The following TNKS1BP1 variants were observed in gnomAD, a reference collection of about 807,000 sequenced individuals.
TNKS1BP1 encodes the protein 182 kDa tankyrase-1-binding protein.
Under a neutral mutation model 141.1 loss-of-function variants are expected in TNKS1BP1, and 48 were observed. The observed-to-expected ratio is 0.34, with a 90% CI of 0.27 to 0.43. The LOEUF (loss-of-function observed/expected upper bound fraction) is 0.43. Ranked by LOEUF, TNKS1BP1 falls within the 20% of genes least tolerant of loss-of-function variation. The pLI is 1.00. For synonymous variants in TNKS1BP1, 875 were observed against 898.2 expected, an observed-to-expected ratio of 0.97 and a Z score of 0.46; for missense variants, 2,149 against 2,226.0, an observed-to-expected ratio of 0.97 and a Z score of 0.70.
At chr11:57,321,520 T>C (rs1271782868) in intron 2 of TNKS1BP1, among the ~76,000 whole-genome samples, 2 of 152,170 alleles carry the variant, frequency 1.3e-5, no homozygotes, top group Non-Finnish European at 2.9e-5. Context: ...GGGCCTCAGT[T>C]TTCCCCTCTG....
rs1855547332 is a variant in TNKS1BP1 at position 57,302,758 on chromosome 11, C to CT, written c.4383dup (p.Ala1462SerfsTer51). ...CGAGCCACCGCCTTGGAGCTGCTGGCTGCCAGCATCTCCTCCAGCAGGCCC... is the reference window on the plus strand; with the variant it reads ...CGAGCCACCGCCTTGGAGCTGCTGGCTTGCCAGCATCTCCTCCAGCAGGCCC... On this transcript the variant is annotated frameshift_variant, in exon 7 of 12. Coordinates refer to ENST00000358252, the MANE Select transcript of TNKS1BP1 (RefSeq NM_033396.3). LOFTEE classifies it high-confidence loss of function. The surrounding 1 kb of genome is among the most constrained non-coding windows in gnomAD (Gnocchi z 5.5). 1 of 1,573,334 alleles carries CT rather than the reference C, an allele frequency of 6.4e-7. No homozygotes were observed. Among genetic ancestry groups the CT allele is most frequent in the Non-Finnish European group, 8.6e-7 (1 of 1,164,134 alleles).
At position 57,320,461 on chromosome 11, in the gene TNKS1BP1, C is replaced by T. The variant is rs369286389; in HGVS notation, c.346G>A (p.Glu116Lys). Reference protein sequence around the residue: ...EASTGGEATQETGKEEAGKEE... With the variant: ...EASTGGEATQKTGKEEAGKEE... The stretch of plus-strand genomic sequence containing the variant: ...TTCCCAGCCTCCTCTTTCCCAGTCT[C>T]TTGGGTGGCTTCTCCTCCAGTGGAG... Residue 116 changes from glutamate to lysine, a missense_variant, in exon 3 of 12, where the codon GAG (glutamate) becomes AAG (lysine). By Grantham distance (56) the Glu-to-Lys change is moderately conservative. Coordinates refer to ENST00000358252, the MANE Select transcript of TNKS1BP1 (RefSeq NM_033396.3). The T allele has an allele frequency of 1.2e-5, 19 of 1,608,160 alleles. No homozygotes were observed. Among genetic ancestry groups the T allele is most frequent in the Non-Finnish European group, 1.5e-5 (18 of 1,176,020 alleles).
At chr11:57,322,705 C>T (rs564352463) in intron 1 of TNKS1BP1, among the ~76,000 whole-genome samples, 7 of 152,182 alleles carry the variant, frequency 4.6e-5, no homozygotes, top group African/African-American at 1.7e-4. Flanking sequence ...GAAGGAGGAG[C>T]CGGCCCAGGC....
rs1855497553 is a variant in TNKS1BP1, at chr11:57,299,762, A to G, written c.*332T>C. 1 of 154,770 alleles carries G rather than the reference A, an allele frequency of 6.5e-6. No individual in the cohort carries two copies. Among genetic ancestry groups the G allele is most frequent in the African/African-American group, 2.4e-5 (1 of 41,524 alleles). The allele number at this position is 154,770 out of a possible 1,614,324, so 9.6% of individuals were successfully genotyped here. On this transcript the variant is annotated 3_prime_UTR_variant, in exon 12 of 12. Transcript: ENST00000358252. ...GGATACAGTCCCACCCATTATAAAA[A>G]TCAAAGGCTTTTATAAAAAATGCTA...
chr11:57,299,750 C>T lies in TNKS1BP1; in HGVS notation c.*344G>A, dbSNP rs1855497319. 6.5e-6 allele frequency: 1 copy of T among 154,420 alleles called. No homozygotes were observed. The highest frequency in any genetic ancestry group is 2.4e-5 in the African/African-American group (1 of 41,432). 9.6% of individuals were successfully genotyped at this position (154,420 alleles called of 1,614,324 possible). On this transcript the variant is annotated 3_prime_UTR_variant, in exon 12 of 12. Coordinates refer to ENST00000358252, the MANE Select transcript of TNKS1BP1 (RefSeq NM_033396.3). ...GGGGTGAGGCAGGGATACAGTCCCACCCATTATAAAAATCAAAGGCTTTTA... is the reference window on the plus strand; with the variant it reads ...GGGGTGAGGCAGGGATACAGTCCCATCCATTATAAAAATCAAAGGCTTTTA...
rs1333046713 is a variant in TNKS1BP1, at chr11:57,317,802, C to T, written c.798+16G>A. The T allele has an allele frequency of 3.1e-6, 5 of 1,611,784 alleles. No individual in the cohort carries two copies. The highest frequency in any genetic ancestry group is 4.2e-6 in the Non-Finnish European group (5 of 1,178,026). On this transcript the variant is annotated intron_variant, in intron 4 of 11. Transcript: ENST00000358252. ...TAAAATACGTGATTCTGATTCATAACTGGAGGATAACTCACATCAGCAGGT... is the reference window on the plus strand; with the variant it reads ...TAAAATACGTGATTCTGATTCATAATTGGAGGATAACTCACATCAGCAGGT...
At chr11:57,320,020 C>CCCCCCCCCCACCAA in intron 3 of TNKS1BP1, 59 bp downstream of exon 3, 1 of 1,213,902 alleles carries the variant, frequency 8.2e-7, no homozygotes, top group Admixed American at 1.8e-5. Flanking sequence ...AGCCCCCACC[C>CCCCCCCCCCACCAA]AATCCCACCC....
rs1185442250 is a variant in TNKS1BP1 at position 57,321,447 on chromosome 11, T to A, written c.94+345A>T. Among the ~76,000 whole-genome samples, 3 of 151,686 alleles carry A rather than the reference T, an allele frequency of 2.0e-5. No individual in the cohort carries two copies. In the East Asian group the frequency reaches 5.8e-4, roughly 29 times the overall value. ...CATTTGGCTAAATAGAAGAAAAGAG[T>A]CTACACAAGGAGCCAGGAGGTCTGG... On this transcript the variant is annotated intron_variant, in intron 2 of 11. Transcript: ENST00000358252.
intron 6 of TNKS1BP1, among the ~76,000 whole-genome samples, chr11:57,306,791 A>T (rs1855617965): frequency 6.6e-6 from 1 of 152,000 alleles, no homozygotes; most frequent in African/African-American, 2.4e-5. Flanking sequence ...ACCTAGTCCC[A>T]TCACAATCCC....
intron 6 of TNKS1BP1, among the ~76,000 whole-genome samples, chr11:57,304,155 C>T (rs1450913537): frequency 2.0e-5 from 3 of 152,190 alleles, no homozygotes; most frequent in Middle Eastern, 3.4e-3. Context: ...ACTCATACTA[C>T]GCACAGAGGT....
chr11:57,320,020 C>CAA, intron 3 of TNKS1BP1, 59 bp downstream of exon 3: 6 of 1,213,902 alleles, frequency 4.9e-6, no homozygotes, highest in Non-Finnish European at 5.9e-6. Flanking sequence ...AGCCCCCACC[C>CAA]AATCCCACCC....
rs139208640 is a variant in TNKS1BP1 at position 57,301,020 on chromosome 11, G to A, written c.4993C>T (p.Arg1665Cys). Reference sequence around the variant, plus strand: ...GCCAGCTCTCCCTCCTCAGCTGAGCGATTCCGGGGGCGCAGCTTGGCCTGA... The same window carrying A: ...GCCAGCTCTCCCTCCTCAGCTGAGCAATTCCGGGGGCGCAGCTTGGCCTGA... ...ALKAKLRPRN[R>C]SAEEGELAES... The change falls in exon 10 of 12, where the codon CGC (arginine) becomes TGC (cysteine). Residue 1665 changes from arginine to cysteine, a missense_variant. Arg to Cys is a radical substitution (Grantham distance 180). Coordinates refer to ENST00000358252, the MANE Select transcript of TNKS1BP1 (RefSeq NM_033396.3). 7,831 of 1,612,782 alleles carry A rather than the reference G, an allele frequency of 4.9e-3. 22 individuals are homozygous for A. The highest frequency in any genetic ancestry group is 5.8e-3 in the Non-Finnish European group (6,892 of 1,179,180).
chr11:57,300,394 C>G, intron 11 of TNKS1BP1, 134 bp downstream of exon 11: 3 of 764,696 alleles, frequency 3.9e-6, no homozygotes, highest in Non-Finnish European at 6.4e-6. Context: ...GTCTCTGGAG[C>G]TTGGCTTCAC....
intron 4 of TNKS1BP1, among the ~76,000 whole-genome samples, chr11:57,315,916 C>T (rs1198629328): frequency 6.6e-6 from 1 of 152,044 alleles, no homozygotes; most frequent in African/African-American, 2.4e-5. Context: ...TTTCCATCAG[C>T]ACACAAACTG....
At chr11:57,324,364 G>A (rs948167870) in intron 1 of TNKS1BP1, among the ~76,000 whole-genome samples, 2 of 152,304 alleles carry the variant, frequency 1.3e-5, no homozygotes, top group East Asian at 3.9e-4. Context: ...GGAGGAGGGG[G>A]CTGCGGTGGC....
At position 57,312,910 on chromosome 11, in the gene TNKS1BP1, T is replaced by G; in HGVS notation, c.1778A>C (p.Gln593Pro). The G allele has an allele frequency of 6.2e-7, 1 of 1,610,718 alleles. No individual in the cohort carries two copies. Among genetic ancestry groups the G allele is most frequent in the Non-Finnish European group, 8.5e-7 (1 of 1,177,866 alleles). The change falls in exon 5 of 12, where the codon CAG becomes CCG. Residue 593 changes from glutamine to proline, a missense_variant. Coordinates refer to ENST00000358252, the MANE Select transcript of TNKS1BP1 (RefSeq NM_033396.3). ...GGACTCCTGTCCAGCCAAGGGCTCC[T>G]GCGACTCGTATCTCTCCTCTGCCTG... ...LQQAEERYESQEPLAGQESPL... is the reference protein window; with the variant it reads ...LQQAEERYESPEPLAGQESPL...
rs537362500 is a variant in TNKS1BP1, at chr11:57,320,672, C to G, written c.135G>C (p.Arg45=). The G allele has an allele frequency of 6.2e-7, 1 of 1,608,722 alleles. No individual in the cohort carries two copies. Among genetic ancestry groups the G allele is most frequent in the African/African-American group, 1.3e-5 (1 of 74,842 alleles). ...RAKPPVKPKP[R]ALPAKPALPA... ...GCAGGGCTGGCTTGGCAGGCAGGGC[C>G]CGGGGTTTGGGCTTGACAGGGGGTT... Residue 45 remains arginine (R), a synonymous_variant, in exon 3 of 12, where the codon CGG becomes CGC. Coordinates refer to ENST00000358252, the MANE Select transcript of TNKS1BP1 (RefSeq NM_033396.3).
intron 8 of TNKS1BP1, 22 bp from the exon 9 acceptor site, chr11:57,301,965 G>A: frequency 1.2e-6 from 2 of 1,611,492 alleles, no homozygotes; most frequent in Non-Finnish European, 1.7e-6. Context: ...CGGGAAAGGG[G>A]CTCAGAAAAG....
intron 4 of TNKS1BP1, 145 bp downstream of exon 4, chr11:57,317,673 T>C (rs1026873520): frequency 1.1e-6 from 1 of 877,558 alleles, no homozygotes; most frequent in African/African-American, 1.7e-5. Context: ...AGTCGAAAAA[T>C]CCCAGGGCCA....
Sources: gnomAD v4.1 joint callset for allele counts (sites outside exome capture counted in the v4.1 genomes callset) on GRCh38, gnomAD v4.1.1 for gene constraint, Gnocchi (gnomAD v3.1) non-coding constraint, MANE v1.5 for transcripts, NCBI Gene and HGNC (gene_info 2026-07-23, HGNC 2026-07-21) for gene names.